Variants in UBE2E3 observed in about 807,000 individuals in gnomAD.
UBE2E3 encodes the protein ubiquitin conjugating enzyme E2 E3, also known as ubiquitin-conjugating enzyme E2 E3.
Under a neutral mutation model 23.6 loss-of-function variants are expected in UBE2E3, and 5 were observed. The observed-to-expected ratio is 0.21, with a 90% CI of 0.11 to 0.44. The LOEUF is 0.44. Ranked by LOEUF, UBE2E3 falls within the 20% of genes least tolerant of loss-of-function variation. The pLI, the probability that UBE2E3 is intolerant of heterozygous loss-of-function variation, is 0.99. For missense variants in UBE2E3, 81 were observed against 249.8 expected, an observed-to-expected ratio of 0.32 and a Z score of 4.55; for synonymous variants, 78 against 87.5, an observed-to-expected ratio of 0.89 and a Z score of 0.60.
At chr2:181,029,973 A>G (rs996536761) in intron 3 of UBE2E3, among the ~76,000 whole-genome samples, 2 of 151,588 alleles carry the variant, frequency 1.3e-5, no homozygotes, top group Non-Finnish European at 2.9e-5. Context: ...AGCTGGGACT[A>G]CAGGCGCCCG....
At chr2:181,055,273 G>T (rs965496628) in intron 3 of UBE2E3, among the ~76,000 whole-genome samples, 13 of 151,774 alleles carry the variant, frequency 8.6e-5, no homozygotes, top group African/African-American at 3.1e-4. Flanking sequence ...AAAGTTGGGA[G>T]AAAGGGCATT....
At chr2:181,057,656 T>C (rs1687025826) in intron 3 of UBE2E3, 37 bp from the exon 4 acceptor site, 2 of 1,550,244 alleles carry the variant, frequency 1.3e-6, no homozygotes, top group African/African-American at 1.4e-5. Context: ...TCATTGCTAA[T>C]ATATGTACAT....
chr2:181,055,848 T>G (rs988730590), intron 3 of UBE2E3, among the ~76,000 whole-genome samples: 2 of 151,754 alleles, frequency 1.3e-5, no homozygotes, highest in African/African-American at 4.8e-5. Context: ...ATGAGTCGTC[T>G]TACCAACAAG....
intron 3 of UBE2E3, among the ~76,000 whole-genome samples, chr2:180,986,632 A>G (rs1338471193): frequency 6.6e-6 from 1 of 152,156 alleles, no homozygotes; most frequent in Non-Finnish European, 1.5e-5. Context: ...CTATATTCAT[A>G]AATTCTAGAA....
At chr2:181,051,588 C>T (rs1012725273) in intron 3 of UBE2E3, among the ~76,000 whole-genome samples, 1 of 151,800 alleles carries the variant, frequency 6.6e-6, no homozygotes, top group African/African-American at 2.4e-5. Context: ...GAGATGCTAA[C>T]TTGATAGCCT....
At chr2:181,010,811 CTTT>C (rs574359411) in intron 3 of UBE2E3, among the ~76,000 whole-genome samples, 4 of 143,146 alleles carry the variant, frequency 2.8e-5, no homozygotes, top group African/African-American at 5.1e-5. Flanking sequence ...ATATCCTCCT[CTTT>C]TTTTTTTTTT....
intron 3 of UBE2E3, among the ~76,000 whole-genome samples, chr2:181,044,002 C>CT (rs1172076565): frequency 2.6e-5 from 4 of 152,120 alleles, no homozygotes; most frequent in Non-Finnish European, 5.9e-5. Context: ...ATTCACGTCT[C>CT]TGTTTTTTGT....
At chr2:181,040,898 C>T (rs1001592655) in intron 3 of UBE2E3, among the ~76,000 whole-genome samples, 5 of 150,868 alleles carry the variant, frequency 3.3e-5, no homozygotes, top group African/African-American at 1.2e-4. Flanking sequence ...CTTGAATTTT[C>T]ATAAGTAGAC....
chr2:181,046,464 C>A lies in UBE2E3; in HGVS notation c.246-11229C>A, dbSNP rs138329394. ...AGCCTCATGATAAACTGGGCTAGAG[C>A]TTGACACATTTATCAACTGTTAGTT... On this transcript the variant is annotated intron_variant, in intron 3 of 5. Transcript: ENST00000410062. Among the ~76,000 whole-genome samples the A allele has an allele frequency of 6.3e-3, 958 of 152,244 alleles. 14 individuals are homozygous for A. Among genetic ancestry groups the A allele is most frequent in the African/African-American group, 0.021 (891 of 41,556 alleles).
intron 3 of UBE2E3, among the ~76,000 whole-genome samples, chr2:181,037,603 A>G (rs749869965): frequency 5.3e-5 from 8 of 152,130 alleles, no homozygotes; most frequent in Non-Finnish European, 8.8e-5. Flanking sequence ...TTGTACAGCT[A>G]TACACTGTGT....
intron 5 of UBE2E3, among the ~76,000 whole-genome samples, chr2:181,061,891 A>T (rs1378072384): frequency 6.6e-6 from 1 of 151,576 alleles, no homozygotes; most frequent in Middle Eastern, 3.4e-3. Flanking sequence ...TGACAGATGG[A>T]TATTCATTGT....
chr2:181,021,593 TCCC>T (rs1234065562), intron 3 of UBE2E3, among the ~76,000 whole-genome samples: 2 of 116,698 alleles, frequency 1.7e-5, no homozygotes, highest in Non-Finnish European at 1.8e-5. Flanking sequence ...CCTTCCTTCC[TCCC>T]TCCCTTCCTT....
chr2:181,012,693 C>A (rs1262994395), intron 3 of UBE2E3, among the ~76,000 whole-genome samples: 1 of 152,068 alleles, frequency 6.6e-6, no homozygotes, highest in Non-Finnish European at 1.5e-5. Context: ...TATACATATA[C>A]CCATATCCCT....
At chr2:180,993,891 T>C (rs1436359034) in intron 3 of UBE2E3, among the ~76,000 whole-genome samples, 1 of 152,182 alleles carries the variant, frequency 6.6e-6, no homozygotes, top group Non-Finnish European at 1.5e-5. Flanking sequence ...CTTTATGATT[T>C]ATTCTTGCCT....
At chr2:181,013,215 T>C (rs1685387110) in intron 3 of UBE2E3, among the ~76,000 whole-genome samples, 1 of 152,194 alleles carries the variant, frequency 6.6e-6, no homozygotes, top group East Asian at 1.9e-4. Flanking sequence ...AGTTGTGTTA[T>C]CTATTGCTAC....
chr2:181,026,670 C>A (rs1241277824), intron 3 of UBE2E3, among the ~76,000 whole-genome samples: 4 of 151,866 alleles, frequency 2.6e-5, no homozygotes, highest in Middle Eastern at 3.4e-3. Context: ...CCGGCCCTTT[C>A]GTGTATGAGA....
chr2:181,022,748 A>C (rs1685749855), intron 3 of UBE2E3, among the ~76,000 whole-genome samples: 1 of 152,120 alleles, frequency 6.6e-6, no homozygotes, highest in African/African-American at 2.4e-5. Flanking sequence ...ACAAAAAAAA[A>C]ACCCCACAGG....
At chr2:181,055,719 G>A (rs1040646480) in intron 3 of UBE2E3, among the ~76,000 whole-genome samples, 31 of 151,670 alleles carry the variant, frequency 2.0e-4, no homozygotes, top group Non-Finnish European at 4.4e-5. Flanking sequence ...CACTTTGTCC[G>A]ATGGCAAATA....
intron 3 of UBE2E3, among the ~76,000 whole-genome samples, chr2:181,049,833 C>A (rs769758650): frequency 3.3e-5 from 5 of 151,858 alleles, no homozygotes; most frequent in Non-Finnish European, 5.9e-5. Context: ...GCACGCACAC[C>A]CAGCCATTTT....
Sources: allele counts gnomAD v4.1 joint callset (sites outside exome capture counted in the v4.1 genomes callset), GRCh38; gene constraint gnomAD v4.1.1; transcripts MANE v1.5; gene names NCBI Gene and HGNC (gene_info 2026-07-23, HGNC 2026-07-21).